Variants in ABCA1 observed in about 807,000 individuals in gnomAD.
The protein encoded by ABCA1 is phospholipid-transporting ATPase ABCA1.
In ABCA1, 133 loss-of-function variants were observed where a neutral mutation model predicts 262.5. The ratio of observed to expected loss-of-function variants is 0.51; its 90% CI spans 0.44 to 0.59. The LOEUF (loss-of-function observed/expected upper bound fraction) is 0.59. Among genes scored for constraint, ABCA1 ranks in the 20% least tolerant of loss-of-function variants. ABCA1 has a pLI of 0.00. For synonymous variants in ABCA1, 1,022 were observed against 1,043.5 expected, an observed-to-expected ratio of 0.98 and a Z score of 0.40; for missense variants, 2,452 against 2,777.5, an observed-to-expected ratio of 0.88 and a Z score of 2.63.
chr9:104,880,621 T>TC (rs1283931608), intron 5 of ABCA1, among the ~76,000 whole-genome samples: 1 of 152,048 alleles, frequency 6.6e-6, no homozygotes, highest in Admixed American at 6.6e-5. Flanking sequence ...TCTGTGCATT[T>TC]CCCCCTATAC....
At chr9:104,911,911 GT>G (rs1323902616) in intron 1 of ABCA1, among the ~76,000 whole-genome samples, 4 of 152,152 alleles carry the variant, frequency 2.6e-5, no homozygotes, top group Non-Finnish European at 4.4e-5. Context: ...TCTATAAGAG[GT>G]TCTGCTATCA....
intron 1 of ABCA1, among the ~76,000 whole-genome samples, chr9:104,925,462 G>A (rs1034849851): frequency 1.4e-4 from 21 of 151,950 alleles, no homozygotes; most frequent in Non-Finnish European, 2.9e-5. Context: ...TCATCTGCAG[G>A]GGAGACAACA....
chr9:104,883,197 GC>G, intron 4 of ABCA1, 40 bp from the exon 5 acceptor site: 1 of 1,522,180 alleles, frequency 6.6e-7, no homozygotes, highest in Non-Finnish European at 9.1e-7. Flanking sequence ...CTTTAGCTAG[GC>G]CAACTGCCTC....
intron 8 of ABCA1, 76 bp from the exon 9 acceptor site, chr9:104,840,595 G>T: frequency 7.2e-7 from 1 of 1,397,376 alleles, no homozygotes; most frequent in Non-Finnish European, 9.8e-7. Context: ...GGGATGAGAA[G>T]AGAAAGAAAC....
chr9:104,800,718 T>G (rs1300515776), intron 34 of ABCA1, 134 bp from the exon 35 acceptor site: 5 of 812,824 alleles, frequency 6.2e-6, no homozygotes, highest in Non-Finnish European at 1.1e-5. Context: ...AAATTAAATG[T>G]GAAGCCATTA....
At chr9:104,850,410 CCA>C (rs1835275601) in intron 7 of ABCA1, among the ~76,000 whole-genome samples, 1 of 152,140 alleles carries the variant, frequency 6.6e-6, no homozygotes, top group Admixed American at 6.5e-5. Context: ...GCGTGAGCCA[CCA>C]CACCCAGCCA....
Position 104,818,901 on chromosome 9 carries a change from A to G in ABCA1, c.3242-18T>C. The G allele has an allele frequency of 6.2e-7, 1 of 1,601,942 alleles. No individual in the cohort carries two copies. Among genetic ancestry groups the G allele is most frequent in the Non-Finnish European group, 8.5e-7 (1 of 1,172,570 alleles). On this transcript the variant is annotated intron_variant, in intron 22 of 49. Transcript: ENST00000374736. ...GGTGCGGCCTGCCAGGCACAAACACAAGGATGTGGGACAGGTGAGGCCTCT... is the reference window on the plus strand; with the variant it reads ...GGTGCGGCCTGCCAGGCACAAACACGAGGATGTGGGACAGGTGAGGCCTCT...
intron 33 of ABCA1, among the ~76,000 whole-genome samples, chr9:104,802,925 G>A (rs1007481676): frequency 6.6e-6 from 1 of 152,178 alleles, no homozygotes. Flanking sequence ...GGTTTGGGGG[G>A]AAAGTACAAG....
Position 104,787,279 on chromosome 9 carries a change from A to G in ABCA1, c.6205-303T>C, listed in dbSNP as rs73517880. On this transcript the variant is annotated intron_variant, in intron 46 of 49. Transcript: ENST00000374736. The stretch of plus-strand genomic sequence containing the variant: ...AGTTGTAATTATCTTTTCATGACTG[A>G]TAAGTATATACAAAACAACTTTTTG... Among the ~76,000 whole-genome samples the G allele has an allele frequency of 5.5e-3, 834 of 152,328 alleles. 9 individuals carry two copies. The highest frequency in any genetic ancestry group is 0.018 in the African/African-American group (753 of 41,590).
At chr9:104,821,962 T>C (rs190479197) in intron 19 of ABCA1, among the ~76,000 whole-genome samples, 10 of 152,320 alleles carry the variant, frequency 6.6e-5, no homozygotes, top group Admixed American at 4.6e-4. Context: ...AGGAAAAGAA[T>C]GTCACCCCCC....
chr9:104,883,338 C>A (rs1251477308), intron 4 of ABCA1, among the ~76,000 whole-genome samples, 181 bp from the exon 5 acceptor site: 1 of 152,134 alleles, frequency 6.6e-6, no homozygotes, highest in Admixed American at 6.5e-5. Flanking sequence ...TTCCCTCCCC[C>A]ACCCATCATC....
chr9:104,853,776 C>T (rs954651425), intron 7 of ABCA1, among the ~76,000 whole-genome samples: 23 of 152,118 alleles, frequency 1.5e-4, no homozygotes, highest in African/African-American at 5.3e-4. Flanking sequence ...CAAGAAAAAG[C>T]AGAGAGCTGC....
chr9:104,784,307 A>T lies in ABCA1; in HGVS notation c.*8T>A. 1 of 1,614,068 alleles carries T rather than the reference A, an allele frequency of 6.2e-7. No homozygotes were observed. The highest frequency in any genetic ancestry group is 1.3e-5 in the African/African-American group (1 of 75,056). ...TTACTTTCAGCCACCCCGTATGAAC[A>T]GGATTCTTCATACATAGCTTTCTTT... is the stretch of plus-strand genomic sequence containing the variant. On this transcript the variant is annotated 3_prime_UTR_variant, in exon 50 of 50. Coordinates refer to ENST00000374736, the MANE Select transcript of ABCA1 (RefSeq NM_005502.4).
At chr9:104,879,032 G>A (rs906650864) in intron 5 of ABCA1, among the ~76,000 whole-genome samples, 7 of 151,046 alleles carry the variant, frequency 4.6e-5, no homozygotes, top group Admixed American at 1.3e-4. Context: ...CCAAGATTGC[G>A]CCACTGCACT....
Position 104,837,574 on chromosome 9 carries a change from A to C in ABCA1, c.1055-7T>G. The C allele has an allele frequency of 6.2e-7, 1 of 1,613,844 alleles. No individual in the cohort carries two copies. Among genetic ancestry groups the C allele is most frequent in the East Asian group, 2.2e-5 (1 of 44,882 alleles). ...AAATCATTGCAGTAAGGAGCTATGA[A>C]GAAGAGGAGAGACAAATGCTCATAT... On this transcript the variant is annotated splice_polypyrimidine_tract_variant and splice_region_variant and intron_variant, in intron 9 of 49. Transcript: ENST00000374736.
Position 104,892,076 on chromosome 9 carries a change from C to T in ABCA1, c.67-2881G>A, listed in dbSNP as rs1588525028. Among the ~76,000 whole-genome samples the T allele has an allele frequency of 2.9e-5, 4 of 135,662 alleles. No individual in the cohort carries two copies. The Admixed American group carries it at 3.1e-4, about 10-fold the overall frequency. The allele number at this position is 135,662 out of a possible 152,430, so 89.0% of individuals were successfully genotyped here. On this transcript the variant is annotated intron_variant, in intron 2 of 49. Coordinates refer to ENST00000374736, the MANE Select transcript of ABCA1 (RefSeq NM_005502.4). The stretch of plus-strand genomic sequence containing the variant: ...TAAATTATCTCATGGAACAAAAAAA[C>T]ACTGTTACCATAAAACTATCAAGAA...
intron 30 of ABCA1, among the ~76,000 whole-genome samples, chr9:104,808,847 C>T (rs527875184): frequency 1.0e-3 from 153 of 152,298 alleles, no homozygotes; most frequent in Non-Finnish European, 1.6e-3. Context: ...GCCTTGAGCA[C>T]GGCCTCATAA....
At chr9:104,902,627 T>C (rs1175839167) in intron 2 of ABCA1, among the ~76,000 whole-genome samples, 1 of 152,230 alleles carries the variant, frequency 6.6e-6, no homozygotes, top group Non-Finnish European at 1.5e-5. Flanking sequence ...TACTTTTACT[T>C]CCTAATATTT....
rs1393945672 is a variant in ABCA1, at chr9:104,817,446, C to A, written c.3463-42G>T. ...AGGTGAGAACGGGTCAGGGACGGAGCAAGGCAGAGCCACCAGCACCTTCGC... is the reference window on the plus strand; with the variant it reads ...AGGTGAGAACGGGTCAGGGACGGAGAAAGGCAGAGCCACCAGCACCTTCGC... On this transcript the variant is annotated intron_variant, in intron 23 of 49. Coordinates refer to ENST00000374736, the MANE Select transcript of ABCA1 (RefSeq NM_005502.4). This position sits in a 1 kb window ranked among gnomAD's most constrained non-coding sequence, Gnocchi z 4.7. 1 of 1,607,896 alleles carries A rather than the reference C, an allele frequency of 6.2e-7. No individual in the cohort carries two copies. Among genetic ancestry groups the A allele is most frequent in the South Asian group, 1.1e-5 (1 of 90,896 alleles).
Sources: gnomAD v4.1 joint callset for allele counts (sites outside exome capture counted in the v4.1 genomes callset) on GRCh38, gnomAD v4.1.1 for gene constraint, Gnocchi (gnomAD v3.1) non-coding constraint, MANE v1.5 for transcripts, NCBI Gene and HGNC (gene_info 2026-07-23, HGNC 2026-07-21) for gene names.